Variants in MGAM observed in about 807,000 individuals in gnomAD.
MGAM encodes the protein maltase-glucoamylase.
A neutral mutation model predicts 358.8 loss-of-function variants in MGAM; 253 were observed. The observed-to-expected ratio is 0.71, with a 90% CI of 0.64 to 0.78. The LOEUF is 0.78. MGAM is among the 30% of genes least tolerant of loss of function. The pLI is 0.00. For missense variants in MGAM, 3,080 were observed against 3,432.6 expected, an observed-to-expected ratio of 0.90 and a Z score of 2.57; for synonymous variants, 1,105 against 1,227.1, an observed-to-expected ratio of 0.90 and a Z score of 2.08.
chr7:142,052,167 A>G (rs1411281083), intron 24 of MGAM, 127 bp from the exon 25 acceptor site: 4 of 791,834 alleles, frequency 5.1e-6, no homozygotes, highest in African/African-American at 3.5e-5. Flanking sequence ...AGCTAAAGTC[A>G]TATGTTGCTT....
At chr7:142,013,502 T>G (rs1180278138) in intron 3 of MGAM, among the ~76,000 whole-genome samples, 1 of 152,164 alleles carries the variant, frequency 6.6e-6, no homozygotes, top group Non-Finnish European at 1.5e-5. Context: ...AATGCCCTAA[T>G]GGTTTATGCA....
At position 142,076,044 on chromosome 7, in the gene MGAM, A is replaced by T. The variant is rs912352610; in HGVS notation, c.5276-159A>T. ...CAAGATATGGAAACATTCTAAGTAT[A>T]CATTGATGAATGAATACAATGGAAT... On this transcript the variant is annotated intron_variant, in intron 45 of 70. Coordinates refer to ENST00000475668, the MANE Select transcript of MGAM (RefSeq NM_001365693.1). Among the ~76,000 whole-genome samples the T allele has an allele frequency of 2.7e-5, 4 of 146,452 alleles. 1 individual carries two copies. In the Admixed American group the frequency reaches 2.7e-4, roughly 10 times the overall value.
intron 21 of MGAM, among the ~76,000 whole-genome samples, chr7:142,044,811 TACACG>T (rs1809820124): frequency 4.0e-5 from 3 of 74,840 alleles, no homozygotes; most frequent in African/African-American, 1.7e-4. Flanking sequence ...GTATATTATA[TACACG>T]TGTAATATAT....
chr7:142,067,124 A>G (rs1213079354), intron 41 of MGAM, among the ~76,000 whole-genome samples: 1 of 146,104 alleles, frequency 6.8e-6, no homozygotes, highest in African/African-American at 2.4e-5. Context: ...TTTACAGGAG[A>G]GAACACATCT....
chr7:142,078,030 A>C (rs77818316), intron 47 of MGAM, among the ~76,000 whole-genome samples: 3,683 of 145,394 alleles, frequency 0.025, 258 homozygotes, highest in African/African-American at 0.085. Context: ...GAGTTAGGGT[A>C]GAAAAGAATA....
chr7:142,032,666 G>A (rs575007777), intron 13 of MGAM, among the ~76,000 whole-genome samples, 159 bp from the exon 14 acceptor site: 1 of 151,990 alleles, frequency 6.6e-6, no homozygotes, highest in Admixed American at 6.6e-5. Context: ...AGCCTTCAGT[G>A]GGTAGACAAG....
chr7:142,095,760 A>G lies in MGAM; in HGVS notation c.7607+47A>G, dbSNP rs999448388. 6 of 1,604,700 alleles carry G rather than the reference A, an allele frequency of 3.7e-6. No individual in the cohort carries two copies. The Admixed American group carries it at 1.0e-4, about 28-fold the overall frequency. ...CAATGCCTAATGGATGACTTATTGC[A>G]TTCTATATGGTGACAGTTGAATTCT... On this transcript the variant is annotated intron_variant, in intron 64 of 70. Coordinates refer to ENST00000475668, the MANE Select transcript of MGAM (RefSeq NM_001365693.1).
chr7:142,025,301 T>C (rs565135335), intron 8 of MGAM, among the ~76,000 whole-genome samples, 152 bp downstream of exon 8: 1 of 152,260 alleles, frequency 6.6e-6, no homozygotes, highest in African/African-American at 2.4e-5. Context: ...TATCCCTACT[T>C]CATTACCTAT....
At chr7:142,052,258 A>C in intron 24 of MGAM, 36 bp from the exon 25 acceptor site, 2 of 1,555,638 alleles carry the variant, frequency 1.3e-6, no homozygotes, top group Non-Finnish European at 1.7e-6. Flanking sequence ...CTGTCTCCTA[A>C]AGATGAATTT....
At chr7:142,077,450 A>G (rs141133401) in intron 47 of MGAM, among the ~76,000 whole-genome samples, 1 of 145,772 alleles carries the variant, frequency 6.9e-6, no homozygotes, top group Non-Finnish European at 1.6e-5. Context: ...ATTACTCCAG[A>G]CGTGTGAGAA....
chr7:142,088,592 CTA>C (rs1298209868), intron 57 of MGAM, among the ~76,000 whole-genome samples: 1 of 97,884 alleles, frequency 1.0e-5, no homozygotes, highest in Non-Finnish European at 2.2e-5. Context: ...CCTCATCTAT[CTA>C]TATCTATCTA....
intron 34 of MGAM, 123 bp from the exon 35 acceptor site, chr7:142,062,445 C>T (rs1345131505): frequency 1.4e-5 from 18 of 1,263,218 alleles, no homozygotes; most frequent in East Asian, 7.5e-5. Flanking sequence ...ATTATTTAGG[C>T]CCTGTTCAGG....
In MGAM at chr7:142,096,333, T is replaced by C; in HGVS notation, c.7610T>C (p.Phe2537Ser). 6.2e-7 allele frequency: 1 copy of C among 1,613,168 alleles called. No homozygotes were observed. The highest frequency in any genetic ancestry group is 1.1e-5 in the South Asian group (1 of 91,050). The change falls in exon 65 of 71, where the codon TTT becomes TCT. Residue 2537 changes from phenylalanine to serine, a missense_variant and splice_region_variant. Phe to Ser is a radical substitution (Grantham distance 155). Transcript: ENST00000475668. ...VTVVRPLLHE[F>S]VSDQVTWDID... ...GGCACCTTCATTTCCCTTTCCAGGT[T>C]TGTGTCAGACCAGGTGACATGGGAC...
chr7:142,035,009 T>C (rs1224651110), intron 16 of MGAM, among the ~76,000 whole-genome samples, 168 bp downstream of exon 16: 1 of 152,204 alleles, frequency 6.6e-6, no homozygotes, highest in Non-Finnish European at 1.5e-5. Flanking sequence ...ACCATGACAT[T>C]CTTTCCTGTA....
chr7:142,017,176 C>T (rs1263420504), intron 3 of MGAM, among the ~76,000 whole-genome samples: 7 of 152,064 alleles, frequency 4.6e-5, no homozygotes, highest in African/African-American at 1.7e-4. Context: ...TTCCACACTC[C>T]CCACAACTCT....
intron 52 of MGAM, among the ~76,000 whole-genome samples, 170 bp from the exon 53 acceptor site, chr7:142,083,131 C>G (rs1270984639): frequency 1.4e-5 from 2 of 146,212 alleles, no homozygotes; most frequent in Admixed American, 6.9e-5. Flanking sequence ...AGGAATGGGA[C>G]ATTTAGACTT....
rs868917611 is a variant in MGAM, at chr7:142,036,948, G to T, written c.2202G>T (p.Gly734=). The T allele has an allele frequency of 8.7e-6, 14 of 1,613,414 alleles. No homozygotes were observed. The Admixed American group carries it at 2.3e-4, about 27-fold the overall frequency. Residue 734 remains glycine (G), a synonymous_variant, in exon 18 of 71, where the codon GGG becomes GGT. Transcript: ENST00000475668. The part of the protein sequence containing the change: ...YTLFFRAHSR[G]DTVARPLLHE... Reference sequence around the variant, plus strand: ...TCTTCTTCCGTGCTCACAGCCGAGGGGACACGGTGGCCAGGCCCCTTTTGC... The same window carrying T: ...TCTTCTTCCGTGCTCACAGCCGAGGTGACACGGTGGCCAGGCCCCTTTTGC...
Position 142,094,834 on chromosome 7 carries a change from T to C in MGAM, c.7429T>C (p.Ser2477Pro). ...GCAGCTGGGGGCCTTTTACCCCTTC[T>C]CAAGAAACCACAACACCATTGGGAC... ...WMQLGAFYPF[S>P]RNHNTIGTRR... The change falls in exon 63 of 71, where the codon TCA becomes CCA. Residue 2477 changes from serine (S) to proline (P), a missense_variant. Ser to Pro is a moderately conservative substitution (Grantham distance 74). Transcript: ENST00000475668. 1 of 1,613,994 alleles carries C rather than the reference T, an allele frequency of 6.2e-7. No individual in the cohort carries two copies. Among genetic ancestry groups the C allele is most frequent in the South Asian group, 1.1e-5 (1 of 91,084 alleles).
intron 21 of MGAM, among the ~76,000 whole-genome samples, chr7:142,042,414 TTATATATACATATAATATATAACATATAA>T (rs1163979191): frequency 8.7e-4 from 12 of 13,804 alleles, no homozygotes; most frequent in African/African-American, 2.3e-3. Context: ...ATAACATATA[TTATATATACATATAATATATAACATATAA>T]TATATAATAT....
Sources: allele counts gnomAD v4.1 joint callset (sites outside exome capture counted in the v4.1 genomes callset), GRCh38; gene constraint gnomAD v4.1.1; transcripts MANE v1.5; gene names NCBI Gene and HGNC (gene_info 2026-07-23, HGNC 2026-07-21).